The following ISY1 variants were observed in gnomAD, a reference collection of about 807,000 sequenced individuals.
The protein encoded by ISY1 is ISY1 spliceosome associated protein.
Under a neutral mutation model 54.4 loss-of-function variants are expected in ISY1, and 12 were observed. The observed-to-expected ratio is 0.22, with a 90% CI of 0.14 to 0.36. The LOEUF is 0.36. ISY1 is among the 10% of genes least tolerant of loss of function. The pLI is 1.00. For missense variants in ISY1, 282 were observed against 342.2 expected, an observed-to-expected ratio of 0.82 and a Z score of 1.39; for synonymous variants, 96 against 117.9, an observed-to-expected ratio of 0.81 and a Z score of 1.20.
At chr3:129,156,992 G>A (rs772099368) in intron 3 of ISY1, 72 bp from the exon 4 acceptor site, 32 of 1,557,724 alleles carry the variant, frequency 2.1e-5, no homozygotes, top group Non-Finnish European at 2.8e-5. Flanking sequence ...AACTGATTCA[G>A]GCCTTAAGCC....
At chr3:129,133,905 C>A (rs1014280239) in intron 9 of ISY1, among the ~76,000 whole-genome samples, 169 bp downstream of exon 9, 1 of 152,180 alleles carries the variant, frequency 6.6e-6, no homozygotes, top group South Asian at 2.1e-4. Context: ...ATGGCTGCTG[C>A]CTCCTGAAAC....
intron 6 of ISY1, among the ~76,000 whole-genome samples, chr3:129,142,607 T>C (rs1936653417): frequency 6.6e-6 from 1 of 152,190 alleles, no homozygotes; most frequent in African/African-American, 2.4e-5. Context: ...TTAAAAAACA[T>C]TTTTTTAAAT....
chr3:129,137,774 T>A (rs1936464387), intron 7 of ISY1, among the ~76,000 whole-genome samples: 1 of 149,110 alleles, frequency 6.7e-6, no homozygotes, highest in Non-Finnish European at 1.5e-5. Context: ...TTGCCGGGCG[T>A]GGTGGCGGTC....
In ISY1 at chr3:129,129,507, GGGA is replaced by G. The variant is rs1936180567; in HGVS notation, c.*571_*573del. On this transcript the variant is annotated 3_prime_UTR_variant, in exon 11 of 11. Transcript: ENST00000393295. ...TCCTGCCTCAGCCTCCCAAGCAGCT[GGGA>G]CTACAGGTGCATGCCAGTACGCCCA... 1 of 152,104 alleles carries G rather than the reference GGGA, an allele frequency of 6.6e-6. No homozygotes were observed. Among genetic ancestry groups the G allele is most frequent in the African/African-American group, 2.4e-5 (1 of 41,320 alleles). The allele number at this position is 152,104 out of a possible 1,614,324, so 9.4% of individuals were successfully genotyped here.
intron 5 of ISY1, among the ~76,000 whole-genome samples, chr3:129,151,779 G>C (rs1936979558): frequency 6.6e-6 from 1 of 152,134 alleles, no homozygotes; most frequent in South Asian, 2.1e-4. Flanking sequence ...GGTGAGAGTG[G>C]ATGTCTTTGC....
At chr3:129,136,112 T>C (rs1475598158) in intron 7 of ISY1, among the ~76,000 whole-genome samples, 1 of 152,006 alleles carries the variant, frequency 6.6e-6, no homozygotes, top group African/African-American at 2.4e-5. Flanking sequence ...AGTAATTCTT[T>C]TTTTTTTTTG....
At chr3:129,151,160 T>A (rs1936957019) in intron 5 of ISY1, among the ~76,000 whole-genome samples, 1 of 147,348 alleles carries the variant, frequency 6.8e-6, no homozygotes, top group Non-Finnish European at 1.5e-5. Context: ...ATAAAATATA[T>A]AAATATATAA....
chr3:129,151,143 T>C lies in ISY1; in HGVS notation c.188-5270A>G, dbSNP rs4283586. ...TCTCAAAAAAAAATATATATATATA[T>C]AAATATATAAAATATATAAATATAT... On this transcript the variant is annotated intron_variant, in intron 5 of 10. Transcript: ENST00000393295. 3.4e-5 allele frequency among the ~76,000 whole-genome samples: 5 copies of C among 146,890 alleles called. No individual in the cohort carries two copies. The Admixed American group carries it at 3.4e-4, about 10-fold the overall frequency.
At chr3:129,150,579 G>A (rs1014085371) in intron 5 of ISY1, among the ~76,000 whole-genome samples, 2 of 152,144 alleles carry the variant, frequency 1.3e-5, no homozygotes, top group Non-Finnish European at 2.9e-5. Context: ...CAGACGTGGT[G>A]GTGGGCGCCT....
rs919717438 is a variant in ISY1 at position 129,134,206 on chromosome 3, G to C, written c.542-11C>G. Reference sequence around the variant, plus strand: ...CTAACTCGGCTCTGACTGAACACAAGAGAGGGTAGGTGCTATTTATTTGTC... The same window carrying C: ...CTAACTCGGCTCTGACTGAACACAACAGAGGGTAGGTGCTATTTATTTGTC... On this transcript the variant is annotated splice_polypyrimidine_tract_variant and intron_variant, in intron 8 of 10. Coordinates refer to ENST00000393295, the MANE Select transcript of ISY1 (RefSeq NM_020701.4). 6.2e-7 allele frequency: 1 copy of C among 1,614,080 alleles called. No homozygotes were observed.
At chr3:129,152,643 C>T (rs967173666) in intron 5 of ISY1, among the ~76,000 whole-genome samples, 2 of 152,094 alleles carry the variant, frequency 1.3e-5, no homozygotes, top group Admixed American at 6.6e-5. Flanking sequence ...CCTGATCTCA[C>T]GATCCACCCA....
intron 6 of ISY1, among the ~76,000 whole-genome samples, chr3:129,141,928 G>T (rs1936628825): frequency 6.6e-6 from 1 of 151,892 alleles, no homozygotes; most frequent in Non-Finnish European, 1.5e-5. Flanking sequence ...TGATTTGCTG[G>T]GTGCGGTGGC....
chr3:129,160,918 G>GCCCCCCT, intron 1 of ISY1, 55 bp downstream of exon 1: 1 of 666,126 alleles, frequency 1.5e-6, no homozygotes, highest in Non-Finnish European at 2.7e-6. Context: ...TGGACTGGGC[G>GCCCCCCT]CCCCCCCGCC....
rs13081244 is a variant in ISY1 at position 129,130,517 on chromosome 3, C to T, written c.750+33G>A. The T allele has an allele frequency of 4.8e-3, 7,650 of 1,609,516 alleles. 30 individuals carry two copies. The highest frequency in any genetic ancestry group is 5.9e-3 in the Non-Finnish European group (6,907 of 1,177,746). ...GTGAAGTCTGCTTTAGAGAAGCCCC[C>T]GGCGCCCAGGCAGCTCTTAGCTGTG... On this transcript the variant is annotated intron_variant, in intron 10 of 10. Transcript: ENST00000393295.
At chr3:129,133,230 T>C (rs541616168) in intron 9 of ISY1, among the ~76,000 whole-genome samples, 3 of 152,344 alleles carry the variant, frequency 2.0e-5, no homozygotes, top group Admixed American at 2.0e-4. Context: ...ACTTACATGG[T>C]GGCTATAATA....
intron 1 of ISY1, among the ~76,000 whole-genome samples, chr3:129,159,782 A>G (rs1937249685): frequency 6.6e-6 from 1 of 152,204 alleles, no homozygotes; most frequent in South Asian, 2.1e-4. Flanking sequence ...TAGTCTCTCT[A>G]TCACTCAGTT....
intron 5 of ISY1, among the ~76,000 whole-genome samples, chr3:129,151,095 G>A (rs1023927952): frequency 2.0e-5 from 3 of 149,726 alleles, no homozygotes; most frequent in South Asian, 2.1e-4. Context: ...GCACTCCAGC[G>A]TGGGTGACAG....
intron 5 of ISY1, among the ~76,000 whole-genome samples, chr3:129,148,821 G>A (rs901386277): frequency 2.0e-5 from 3 of 151,672 alleles, no homozygotes; most frequent in South Asian, 2.1e-4. Context: ...CACCCATCTC[G>A]GCCTCCCAAA....
intron 1 of ISY1, among the ~76,000 whole-genome samples, chr3:129,159,378 C>T (rs773749074): frequency 2.0e-5 from 3 of 152,186 alleles, no homozygotes; most frequent in African/African-American, 4.8e-5. Context: ...AAAATCTTTA[C>T]TCCTCCACTG....
Sources: gnomAD v4.1 joint callset for allele counts (sites outside exome capture counted in the v4.1 genomes callset) on GRCh38, gnomAD v4.1.1 for gene constraint, MANE v1.5 for transcripts, NCBI Gene and HGNC (gene_info 2026-07-23, HGNC 2026-07-21) for gene names.